The following DAB1 variants were observed in gnomAD, a reference collection of about 807,000 sequenced individuals.
DAB1 encodes the protein DAB adaptor protein 1.
Under a neutral mutation model 64.6 loss-of-function variants are expected in DAB1, and 15 were observed. The ratio of observed to expected loss-of-function variants is 0.23; its 90% CI spans 0.16 to 0.36. The LOEUF is 0.36. DAB1 is among the 10% of genes least tolerant of loss of function. The pLI, the probability that DAB1 is intolerant of heterozygous loss-of-function variation, is 1.00. For synonymous variants in DAB1, 235 were observed against 251.9 expected, an observed-to-expected ratio of 0.93 and a Z score of 0.64; for missense variants, 596 against 706.7, an observed-to-expected ratio of 0.84 and a Z score of 1.78.
intron 4 of DAB1, among the ~76,000 whole-genome samples, chr1:58,290,361 T>C (rs77870765): frequency 0.018 from 2,763 of 152,178 alleles, 79 homozygotes; most frequent in African/African-American, 0.063. Flanking sequence ...AAGGGCATCA[T>C]AGACAGAATG....
chr1:57,120,487 T>C (rs969247851), intron 4 of DAB1, among the ~76,000 whole-genome samples: 2 of 152,184 alleles, frequency 1.3e-5, no homozygotes, highest in African/African-American at 4.8e-5. Flanking sequence ...ATTTTTACCA[T>C]TTTAAGTGTA....
chr1:57,710,652 G>A (rs1323814), intron 6 of DAB1, among the ~76,000 whole-genome samples: 58,323 of 151,504 alleles, frequency 0.38, 11,836 homozygotes, highest in African/African-American at 0.52. Flanking sequence ...TTTTTTTTGG[G>A]GGGGGGAGGT....
At chr1:57,344,177 A>G (rs1176053624) in intron 1 of DAB1, among the ~76,000 whole-genome samples, 1 of 152,232 alleles carries the variant, frequency 6.6e-6, no homozygotes, top group Admixed American at 6.5e-5. Context: ...TACAAACCCA[A>G]GATGATCAGA....
intron 5 of DAB1, among the ~76,000 whole-genome samples, chr1:58,025,651 G>GTGTGTATATA (rs1264790564): frequency 1.5e-4 from 11 of 75,292 alleles, no homozygotes; most frequent in Non-Finnish European, 3.1e-4. Flanking sequence ...ATATATGTGT[G>GTGTGTATATA]TATATATATA....
At chr1:58,053,464 C>T (rs76628694) in intron 5 of DAB1, among the ~76,000 whole-genome samples, 4 of 152,056 alleles carry the variant, frequency 2.6e-5, no homozygotes, top group African/African-American at 7.2e-5. Flanking sequence ...AACCAACTCT[C>T]GAAGGAACTT....
intron 1 of DAB1, among the ~76,000 whole-genome samples, chr1:57,832,253 G>A (rs988165702): frequency 6.6e-6 from 1 of 152,074 alleles, no homozygotes; most frequent in African/African-American, 2.4e-5. Context: ...GAGAGGGTGG[G>A]AAACAGAAGA....
intron 6 of DAB1, among the ~76,000 whole-genome samples, chr1:57,737,701 T>G (rs1417440489): frequency 6.6e-6 from 1 of 152,150 alleles, no homozygotes; most frequent in Non-Finnish European, 1.5e-5. Flanking sequence ...CTTTTTTAAT[T>G]CTTGCTTTCT....
rs187859537 is a variant in DAB1, at chr1:58,191,114, A to G, written n.310-40526T>C. On this transcript the variant is annotated intron_variant and non_coding_transcript_variant, in intron 4 of 20. Transcript: ENST00000485760. Reference sequence around the variant, plus strand: ...GAAAGCAAACAGAAATACAAGATACATGGAGGATGGTGTAAGACTCAGGTC... The same window carrying G: ...GAAAGCAAACAGAAATACAAGATACGTGGAGGATGGTGTAAGACTCAGGTC... Among the ~76,000 whole-genome samples the G allele has an allele frequency of 2.6e-3, 396 of 152,358 alleles. 1 individual carries two copies. The highest frequency in any genetic ancestry group is 6.8e-3 in the Middle Eastern group (2 of 294).
intron 6 of DAB1, among the ~76,000 whole-genome samples, chr1:57,720,520 G>A (rs899414701): frequency 6.6e-6 from 1 of 152,214 alleles, no homozygotes; most frequent in African/African-American, 2.4e-5. Context: ...CCAAAAGACT[G>A]TAATCAGATG....
intron 6 of DAB1, among the ~76,000 whole-genome samples, chr1:57,819,568 T>A (rs1053614458): frequency 6.6e-6 from 1 of 152,162 alleles, no homozygotes; most frequent in African/African-American, 2.4e-5. Context: ...AAGAACAAGT[T>A]AAGAGAGAGC....
chr1:58,313,587 A>C (rs917803734), intron 4 of DAB1, among the ~76,000 whole-genome samples: 1 of 152,198 alleles, frequency 6.6e-6, no homozygotes, highest in African/African-American at 2.4e-5. Context: ...GGGACAGAAC[A>C]GGATGAAGAA....
At position 58,071,149 on chromosome 1, in the gene DAB1, C is replaced by A. The variant is rs562464026; in HGVS notation, n.387+79362G>T. On this transcript the variant is annotated intron_variant and non_coding_transcript_variant, in intron 5 of 20. Coordinates refer to the DAB1 transcript ENST00000485760. The stretch of plus-strand genomic sequence containing the variant: ...GGCTTAGCAAGAATGGCCAGATGGG[C>A]AGGAGGAAACGAGGAAAATCTACAT... 2.0e-5 allele frequency among the ~76,000 whole-genome samples: 3 copies of A among 152,164 alleles called. 1 individual carries two copies. The highest frequency in any genetic ancestry group is 3.4e-3 in the Middle Eastern group (1 of 294).
intron 5 of DAB1, among the ~76,000 whole-genome samples, chr1:58,013,115 C>G (rs1266281373): frequency 6.6e-6 from 1 of 152,194 alleles, no homozygotes; most frequent in Non-Finnish European, 1.5e-5. Flanking sequence ...TCTCATGGCA[C>G]AGTCTCGTCA....
intron 4 of DAB1, among the ~76,000 whole-genome samples, chr1:58,342,752 A>G (rs1487154067): frequency 6.6e-6 from 1 of 152,082 alleles, no homozygotes; most frequent in East Asian, 1.9e-4. Context: ...CCATCAAAAC[A>G]TATTGATTTC....
intron 1 of DAB1, chr1:58,534,110 A>T (rs779691781): frequency 1.2e-6 from 1 of 867,228 alleles, no homozygotes; most frequent in African/African-American, 1.6e-5. Context: ...ATAAAAAATA[A>T]GGACAATAAA....
chr1:58,054,123 T>A (rs1260236172), intron 5 of DAB1, among the ~76,000 whole-genome samples: 1 of 152,248 alleles, frequency 6.6e-6, no homozygotes, highest in Non-Finnish European at 1.5e-5. Context: ...TATGGCATTA[T>A]CATCCCTGTT....
intron 5 of DAB1, among the ~76,000 whole-genome samples, chr1:57,905,128 G>T (rs1358900488): frequency 2.0e-5 from 3 of 151,942 alleles, no homozygotes; most frequent in African/African-American, 7.2e-5. Context: ...TATGGATGAA[G>T]AAACTGAGGC....
intron 1 of DAB1, among the ~76,000 whole-genome samples, chr1:57,828,224 C>A (rs1445659460): frequency 6.6e-6 from 1 of 152,124 alleles, no homozygotes; most frequent in Non-Finnish European, 1.5e-5. Flanking sequence ...GGATTACAGG[C>A]GTGAGCCACC....
intron 4 of DAB1, among the ~76,000 whole-genome samples, chr1:58,305,184 A>G (rs902281306): frequency 4.6e-5 from 7 of 152,128 alleles, no homozygotes; most frequent in Admixed American, 3.3e-4. Flanking sequence ...CCCCTGCTTC[A>G]GCCTCCCAAG....
Sources: gnomAD v4.1 joint callset for allele counts (sites outside exome capture counted in the v4.1 genomes callset) on GRCh38, gnomAD v4.1.1 for gene constraint, MANE v1.5 for transcripts, NCBI Gene and HGNC (gene_info 2026-07-23, HGNC 2026-07-21) for gene names.